Variants in TBC1D5 observed in about 807,000 individuals in gnomAD.
TBC1D5 encodes the protein TBC1 domain family member 5.
In TBC1D5, 75 loss-of-function variants were observed where a neutral mutation model predicts 100.3. That is an observed-to-expected ratio of 0.75 (90% confidence interval 0.62 to 0.91). The LOEUF (loss-of-function observed/expected upper bound fraction) is 0.91, where lower values mean the gene tolerates loss of function less well. Among genes scored for constraint, TBC1D5 ranks in the 40% least tolerant of loss-of-function variants. The pLI, the probability that TBC1D5 is intolerant of heterozygous loss-of-function variation, is 0.00. For synonymous variants in TBC1D5, 323 were observed against 325.6 expected (o/e 0.99, Z 0.09); for missense variants, 910 against 942.4 (o/e 0.97, Z 0.45).
chr3:17,560,098 A>G (rs986741549), intron 2 of TBC1D5, among the ~76,000 whole-genome samples: 2 of 152,210 alleles, frequency 1.3e-5, no homozygotes, highest in Admixed American at 6.5e-5. Flanking sequence ...AATGGCACCT[A>G]TAGTCCTATC....
At chr3:17,729,965 G>T (rs962209973) in intron 1 of TBC1D5, among the ~76,000 whole-genome samples, 1 of 151,782 alleles carries the variant, frequency 6.6e-6, no homozygotes, top group Non-Finnish European at 1.5e-5. Context: ...AAAAAAATTA[G>T]TCGGGCGTGG....
chr3:17,563,460 G>C (rs531122660), intron 2 of TBC1D5, among the ~76,000 whole-genome samples: 15 of 152,274 alleles, frequency 9.9e-5, no homozygotes, highest in African/African-American at 3.6e-4. Context: ...AATCAGGAAG[G>C]TATAATATCA....
Position 17,706,240 on chromosome 3 carries a change from A to G in TBC1D5, c.-101+33103T>C, listed in dbSNP as rs1023292870. 5.2e-6 allele frequency: 8 copies of G among 1,548,820 alleles called. No homozygotes were observed. In the African/African-American group the frequency reaches 6.9e-5, roughly 13 times the overall value. ...AGGCTGTGGAGGCGGCGGCCACCAC[A>G]TTGATATTTGTACTTCTTCACATAC... is the stretch of plus-strand genomic sequence containing the variant. On this transcript the variant is annotated intron_variant, in intron 1 of 21. Coordinates refer to ENST00000253692, the Ensembl canonical transcript of TBC1D5.
At chr3:17,357,191 GA>G (rs1482184108) in intron 13 of TBC1D5, among the ~76,000 whole-genome samples, 1 of 152,172 alleles carries the variant, frequency 6.6e-6, no homozygotes, top group Admixed American at 6.5e-5. Context: ...AAGGAAGGGT[GA>G]AAAAGAATAA....
At chr3:17,658,170 A>G (rs1444935694) in intron 1 of TBC1D5, among the ~76,000 whole-genome samples, 1 of 152,228 alleles carries the variant, frequency 6.6e-6, no homozygotes, top group African/African-American at 2.4e-5. Flanking sequence ...ATGTTCACAC[A>G]AAGATGAAAT....
chr3:17,318,007 G>C (rs1012061022), intron 13 of TBC1D5, among the ~76,000 whole-genome samples: 1 of 152,048 alleles, frequency 6.6e-6, no homozygotes, highest in Non-Finnish European at 1.5e-5. Flanking sequence ...ACTGGATTAA[G>C]AAAATGTGGC....
intron 13 of TBC1D5, among the ~76,000 whole-genome samples, chr3:17,328,780 T>G (rs779838334): frequency 1.3e-5 from 2 of 152,238 alleles, no homozygotes; most frequent in South Asian, 2.1e-4. Flanking sequence ...AAATTCCTTA[T>G]GAATTGTGAA....
intron 2 of TBC1D5, among the ~76,000 whole-genome samples, chr3:17,609,638 AT>A (rs1296048616): frequency 6.6e-6 from 1 of 152,090 alleles, no homozygotes; most frequent in Non-Finnish European, 1.5e-5. Context: ...TCCCATTCAA[AT>A]TTCATGCCTT....
intron 13 of TBC1D5, among the ~76,000 whole-genome samples, chr3:17,363,617 C>A (rs1243019138): frequency 6.6e-6 from 1 of 151,100 alleles, no homozygotes; most frequent in African/African-American, 2.4e-5. Context: ...CACTACCTTG[C>A]CCCCAGCCTG....
chr3:17,732,198 A>G (rs1016748498), intron 1 of TBC1D5, among the ~76,000 whole-genome samples: 6 of 152,078 alleles, frequency 3.9e-5, no homozygotes, highest in Admixed American at 2.0e-4. Flanking sequence ...GGCGCCTGTA[A>G]TCCCAGCTAC....
chr3:17,355,823 A>T (rs995192985), intron 13 of TBC1D5, among the ~76,000 whole-genome samples: 1 of 152,082 alleles, frequency 6.6e-6, no homozygotes, highest in Non-Finnish European at 1.5e-5. Flanking sequence ...ACAATGTGAG[A>T]AATAAGGTTA....
chr3:17,303,202 C>A lies in TBC1D5; in HGVS notation c.1138+4790G>T, dbSNP rs559246649. On this transcript the variant is annotated intron_variant, in intron 14 of 21. Transcript: ENST00000253692. ...CTCAGAGTCACTGCTGCCTCTGCAA[C>A]CTCCAGATGTGAGGTGGAGGACCAC... 9.2e-5 allele frequency among the ~76,000 whole-genome samples: 14 copies of A among 152,350 alleles called. No individual in the cohort carries two copies. In the South Asian group the frequency reaches 2.9e-3, roughly 32 times the overall value.
chr3:17,423,421 C>T (rs114243465), intron 4 of TBC1D5, among the ~76,000 whole-genome samples: 222 of 152,150 alleles, frequency 1.5e-3, no homozygotes, highest in African/African-American at 5.2e-3. Flanking sequence ...AAAACATACA[C>T]AGAAGTATCT....
chr3:17,619,260 A>C (rs2062449538), intron 2 of TBC1D5, among the ~76,000 whole-genome samples: 1 of 152,226 alleles, frequency 6.6e-6, no homozygotes, highest in East Asian at 1.9e-4. Context: ...GGAGTTAGAC[A>C]AGTTGATACT....
At chr3:17,276,653 G>T in intron 15 of TBC1D5, among the ~76,000 whole-genome samples, 1 of 152,152 alleles carries the variant, frequency 6.6e-6, no homozygotes, top group Non-Finnish European at 1.5e-5. Flanking sequence ...CTTAGAGAGA[G>T]CCATCTCAAT....
At chr3:17,247,860 C>A (rs1045958775) in intron 16 of TBC1D5, among the ~76,000 whole-genome samples, 1 of 152,178 alleles carries the variant, frequency 6.6e-6, no homozygotes, top group African/African-American at 2.4e-5. Context: ...CTTTACCCAT[C>A]CGTAGGAACT....
chr3:17,566,809 CCTTT>C (rs1373381244), intron 2 of TBC1D5, among the ~76,000 whole-genome samples: 3 of 151,694 alleles, frequency 2.0e-5, no homozygotes, highest in Admixed American at 1.3e-4. Context: ...ACTTAGAAGG[CCTTT>C]CTATTTAGTT....
intron 2 of TBC1D5, among the ~76,000 whole-genome samples, chr3:17,552,285 G>C (rs548492334): frequency 6.6e-6 from 1 of 152,024 alleles, no homozygotes; most frequent in Admixed American, 6.6e-5. Flanking sequence ...GCTCCCTCCT[G>C]TTAGAGACCT....
chr3:17,450,390 G>A (rs1039584065), intron 3 of TBC1D5, among the ~76,000 whole-genome samples: 1 of 152,142 alleles, frequency 6.6e-6, no homozygotes, highest in African/African-American at 2.4e-5. Context: ...TGAGTTTGAT[G>A]AATTACAGAA....
Sources: gnomAD v4.1 joint callset for allele counts (sites outside exome capture counted in the v4.1 genomes callset) on GRCh38, gnomAD v4.1.1 for gene constraint, MANE v1.5 for transcripts, NCBI Gene and HGNC (gene_info 2026-07-23, HGNC 2026-07-21) for gene names.